The following ATP8A2 variants were observed in gnomAD, a reference collection of about 807,000 sequenced individuals.
The protein encoded by ATP8A2 is ATPase phospholipid transporting 8A2.
Under a neutral mutation model 165.6 loss-of-function variants are expected in ATP8A2, and 100 were observed. That is an observed-to-expected ratio of 0.60 (90% CI 0.51 to 0.71). ATP8A2 has a LOEUF of 0.71. ATP8A2 is among the 30% of genes least tolerant of loss of function. The pLI is 0.00. For missense variants in ATP8A2, 1,227 were observed against 1,479.5 expected (o/e 0.83, Z 2.80); for synonymous variants, 543 against 548.8 (o/e 0.99, Z 0.15).
intron 2 of ATP8A2, among the ~76,000 whole-genome samples, chr13:25,483,404 G>T (rs1458471202): frequency 6.6e-6 from 1 of 152,168 alleles, no homozygotes; most frequent in African/African-American, 2.4e-5. Flanking sequence ...GGGGAGCAGA[G>T]ATACACATGT....
intron 24 of ATP8A2, among the ~76,000 whole-genome samples, chr13:25,597,000 C>T (rs535077233): frequency 6.6e-6 from 1 of 151,946 alleles, no homozygotes; most frequent in South Asian, 2.1e-4. Context: ...GTTATATTTC[C>T]CTGATGACTA....
At chr13:25,560,798 C>A (rs2039123382) in intron 15 of ATP8A2, among the ~76,000 whole-genome samples, 1 of 151,734 alleles carries the variant, frequency 6.6e-6, no homozygotes, top group South Asian at 2.1e-4. Context: ...TACTCTTGCT[C>A]CACCCCCTTT....
chr13:25,934,291 G>T (rs1257384953), intron 33 of ATP8A2, among the ~76,000 whole-genome samples: 1 of 152,194 alleles, frequency 6.6e-6, no homozygotes, highest in East Asian at 1.9e-4. Flanking sequence ...TTAGGTAAGT[G>T]TCTGCCTGTG....
chr13:25,733,985 C>A (rs1423917156), intron 25 of ATP8A2, among the ~76,000 whole-genome samples: 1 of 152,180 alleles, frequency 6.6e-6, no homozygotes, highest in African/African-American at 2.4e-5. Context: ...AGCTGGTTAC[C>A]TCTTTTGTAA....
intron 33 of ATP8A2, among the ~76,000 whole-genome samples, chr13:25,936,898 A>G (rs1954907933): frequency 6.6e-6 from 1 of 152,204 alleles, no homozygotes; most frequent in Non-Finnish European, 1.5e-5. Context: ...GGGCTATGAA[A>G]GGGTTTTACT....
intron 35 of ATP8A2, among the ~76,000 whole-genome samples, chr13:26,006,001 T>G (rs1956729278): frequency 6.6e-6 from 1 of 151,988 alleles, no homozygotes; most frequent in South Asian, 2.1e-4. Flanking sequence ...CCCTTATAAT[T>G]CCATGTGAAT....
At chr13:25,641,416 A>G (rs538684753) in intron 24 of ATP8A2, among the ~76,000 whole-genome samples, 171 of 152,338 alleles carry the variant, frequency 1.1e-3, no homozygotes, top group Middle Eastern at 3.4e-3. Flanking sequence ...GTCTCAGGAT[A>G]CAAAATCAAT....
At chr13:25,386,280 G>T (rs1326164334) in intron 1 of ATP8A2, among the ~76,000 whole-genome samples, 1 of 152,138 alleles carries the variant, frequency 6.6e-6, no homozygotes, top group Non-Finnish European at 1.5e-5. Context: ...GGAGAATTCA[G>T]TTGTTCCCGA....
rs1194710440 is a variant in ATP8A2 at position 26,023,527 on chromosome 13, A to G, written c.*3542A>G. The G allele has an allele frequency of 6.6e-6, 1 of 152,216 alleles. No homozygotes were observed. Among genetic ancestry groups the G allele is most frequent in the Non-Finnish European group, 1.5e-5 (1 of 68,048 alleles). 9.4% of individuals were successfully genotyped at this position (152,216 alleles called of 1,614,324 possible). A position where few individuals can be genotyped will look rare whatever the true frequency, so the allele number is the denominator to read the frequency against. ...CTAGGTAACTAATGTCTTATAATGC[A>G]TATGTATGTAAATATTACAGGATTT... On this transcript the variant is annotated 3_prime_UTR_variant, in exon 37 of 37. Coordinates refer to ENST00000381655, the MANE Select transcript of ATP8A2 (RefSeq NM_016529.6).
intron 33 of ATP8A2, among the ~76,000 whole-genome samples, chr13:25,930,357 G>T (rs1157930395): frequency 6.6e-6 from 1 of 151,532 alleles, no homozygotes; most frequent in Admixed American, 6.6e-5. Flanking sequence ...AGCACTATCT[G>T]CCCACCTCCG....
At chr13:25,805,193 A>AT (rs1397596971) in intron 27 of ATP8A2, among the ~76,000 whole-genome samples, 3 of 151,156 alleles carry the variant, frequency 2.0e-5, no homozygotes, top group South Asian at 4.2e-4. Flanking sequence ...CATCTACCCT[A>AT]TTTTTTTTCC....
In ATP8A2 at chr13:25,912,745, CT is replaced by C. The variant is rs543056948; in HGVS notation, c.3184-48827del. 1.0e-3 allele frequency among the ~76,000 whole-genome samples: 152 copies of C among 152,224 alleles called. 3 individuals carry two copies. Among genetic ancestry groups the C allele is most frequent in the African/African-American group, 3.6e-3 (149 of 41,538 alleles). ...TAGTATGCACTACAGAGTAGTCTTACTTTGAGGTTTGGGTTGTAATTCCAAT... is the reference window on the plus strand; with the variant it reads ...TAGTATGCACTACAGAGTAGTCTTACTTGAGGTTTGGGTTGTAATTCCAAT... On this transcript the variant is annotated intron_variant, in intron 33 of 36. Coordinates refer to ENST00000381655, the MANE Select transcript of ATP8A2 (RefSeq NM_016529.6).
At chr13:25,824,509 AT>A (rs1252298374) in intron 27 of ATP8A2, among the ~76,000 whole-genome samples, 1 of 151,726 alleles carries the variant, frequency 6.6e-6, no homozygotes, top group Non-Finnish European at 1.5e-5. Flanking sequence ...ATATCCTCTT[AT>A]TTTTTTCTAT....
chr13:25,537,322 G>A (rs537554329), intron 6 of ATP8A2, among the ~76,000 whole-genome samples: 20 of 152,138 alleles, frequency 1.3e-4, no homozygotes, highest in Non-Finnish European at 2.4e-4. Flanking sequence ...TCAGAGCATT[G>A]GCCTTCCGTG....
chr13:25,587,844 A>T (rs535568536), intron 23 of ATP8A2, among the ~76,000 whole-genome samples: 6 of 152,322 alleles, frequency 3.9e-5, no homozygotes, highest in East Asian at 1.9e-4. Context: ...TTCTAGTCCT[A>T]CCAGGCAGAG....
chr13:25,513,151 A>G (rs1455638971), intron 2 of ATP8A2, among the ~76,000 whole-genome samples: 5 of 149,312 alleles, frequency 3.3e-5, no homozygotes, highest in African/African-American at 1.2e-4. Context: ...GGGGCTCCTC[A>G]CCTCTCAGAT....
chr13:25,646,149 A>G (rs996157082), intron 24 of ATP8A2, among the ~76,000 whole-genome samples: 14 of 152,126 alleles, frequency 9.2e-5, no homozygotes, highest in Non-Finnish European at 1.9e-4. Context: ...AATTGAACCC[A>G]TTGTTATTAT....
intron 15 of ATP8A2, among the ~76,000 whole-genome samples, chr13:25,560,926 G>A (rs943762495): frequency 1.4e-5 from 2 of 147,044 alleles, no homozygotes; most frequent in Non-Finnish European, 3.0e-5. Context: ...TCGCTCTGTT[G>A]CCCAGGCTGG....
intron 25 of ATP8A2, among the ~76,000 whole-genome samples, chr13:25,704,474 G>T (rs1294910752): frequency 6.6e-6 from 1 of 151,994 alleles, no homozygotes; most frequent in Non-Finnish European, 1.5e-5. Flanking sequence ...AAATAGCTGG[G>T]ACTAGCATGC....
Sources: allele counts gnomAD v4.1 joint callset (sites outside exome capture counted in the v4.1 genomes callset), GRCh38; gene constraint gnomAD v4.1.1; transcripts MANE v1.5; gene names NCBI Gene and HGNC (gene_info 2026-07-23, HGNC 2026-07-21).